The following PDE4D variants were observed in gnomAD, a reference collection of about 807,000 sequenced individuals.
PDE4D encodes the protein phosphodiesterase 4D, also known as 3',5'-cyclic-AMP phosphodiesterase 4D.
In PDE4D, 24 loss-of-function variants were observed where a neutral mutation model predicts 87.4. The ratio of observed to expected loss-of-function variants is 0.27; its 90% CI spans 0.20 to 0.39. PDE4D has a LOEUF of 0.39. Among genes scored for constraint, PDE4D ranks in the 10% least tolerant of loss-of-function variants. The pLI, the probability that PDE4D is intolerant of heterozygous loss-of-function variation, is 1.00. For missense variants in PDE4D, 714 were observed against 1,041.0 expected (o/e 0.69, Z 4.32); for synonymous variants, 384 against 383.2 (o/e 1.00, Z -0.02).
At chr5:60,108,156 CA>C (rs1777237459) in intron 2 of PDE4D, among the ~76,000 whole-genome samples, 1 of 151,730 alleles carries the variant, frequency 6.6e-6, no homozygotes, top group Non-Finnish European at 1.5e-5. Context: ...GCAACTTCAG[CA>C]AAGTCTCAGG....
At chr5:59,563,395 C>A (rs1297160843) in intron 1 of PDE4D, among the ~76,000 whole-genome samples, 2 of 152,208 alleles carry the variant, frequency 1.3e-5, no homozygotes, top group African/African-American at 2.4e-5. Context: ...AATAAGAATG[C>A]AATTATCTGC....
At chr5:59,683,788 T>C (rs905212194) in intron 1 of PDE4D, among the ~76,000 whole-genome samples, 2 of 152,204 alleles carry the variant, frequency 1.3e-5, no homozygotes, top group African/African-American at 4.8e-5. Flanking sequence ...TTTAAATATA[T>C]AGTATCACCA....
chr5:59,091,957 G>C (rs1196981872), intron 5 of PDE4D, among the ~76,000 whole-genome samples: 1 of 151,852 alleles, frequency 6.6e-6, no homozygotes, highest in African/African-American at 2.4e-5. Context: ...GCATTTATTG[G>C]GAAAAAACAC....
At chr5:59,718,731 T>C (rs1006968798) in intron 1 of PDE4D, among the ~76,000 whole-genome samples, 3 of 152,162 alleles carry the variant, frequency 2.0e-5, no homozygotes, top group African/African-American at 7.2e-5. Flanking sequence ...TTCACAGTGA[T>C]GAAGAATGAT....
intron 11 of PDE4D, among the ~76,000 whole-genome samples, chr5:58,981,902 T>G (rs1441326260): frequency 6.6e-6 from 1 of 152,164 alleles, no homozygotes; most frequent in Non-Finnish European, 1.5e-5. Flanking sequence ...TTACCTTCAT[T>G]GTGGAGTAGT....
intron 1 of PDE4D, among the ~76,000 whole-genome samples, chr5:59,399,075 T>A (rs1301376636): frequency 2.3e-5 from 3 of 128,874 alleles, no homozygotes; most frequent in Non-Finnish European, 5.1e-5. Flanking sequence ...CTCAATGAAA[T>A]AAAAGAGGAT....
chr5:60,478,491 AAG>A (rs77536203), intron 1 of PDE4D, among the ~76,000 whole-genome samples: 6,269 of 152,276 alleles, frequency 0.041, 152 homozygotes, highest in Middle Eastern at 0.099. Context: ...TTTTCATTAA[AAG>A]AAACTATTCC....
chr5:59,218,863 T>C (rs1053234209), intron 1 of PDE4D, among the ~76,000 whole-genome samples: 3 of 152,084 alleles, frequency 2.0e-5, no homozygotes, highest in Non-Finnish European at 4.4e-5. Flanking sequence ...TATTGGACTT[T>C]TTCTTAAATG....
chr5:60,292,649 G>A (rs1294809671), intron 1 of PDE4D, among the ~76,000 whole-genome samples: 1 of 152,094 alleles, frequency 6.6e-6, no homozygotes, highest in African/African-American at 2.4e-5. Context: ...CAATTCTAGA[G>A]TTTGCAGATT....
At chr5:59,989,433 GC>G (rs1379666420) in intron 2 of PDE4D, among the ~76,000 whole-genome samples, 5 of 151,960 alleles carry the variant, frequency 3.3e-5, no homozygotes, top group African/African-American at 1.2e-4. Flanking sequence ...TTACATGCAT[GC>G]CCATGAAGAG....
At chr5:59,148,986 G>A (rs1184024000) in intron 5 of PDE4D, among the ~76,000 whole-genome samples, 1 of 152,094 alleles carries the variant, frequency 6.6e-6, no homozygotes, top group African/African-American at 2.4e-5. Context: ...CTGGGTGTCA[G>A]GATAGGAATA....
intron 1 of PDE4D, among the ~76,000 whole-genome samples, chr5:60,247,808 A>G (rs752217353): frequency 1.3e-5 from 2 of 152,026 alleles, no homozygotes; most frequent in Non-Finnish European, 2.9e-5. Context: ...CTTACTGTCA[A>G]CAAGTTATAT....
At chr5:59,901,537 G>A (rs912636844) in intron 3 of PDE4D, among the ~76,000 whole-genome samples, 9 of 152,108 alleles carry the variant, frequency 5.9e-5, no homozygotes, top group Non-Finnish European at 1.2e-4. Flanking sequence ...AGCAACCCAT[G>A]TAACTCTCAA....
chr5:60,239,384 T>C (rs1325745559), intron 1 of PDE4D, among the ~76,000 whole-genome samples: 1 of 152,114 alleles, frequency 6.6e-6, no homozygotes, highest in Non-Finnish European at 1.5e-5. Flanking sequence ...CCCGACTTCT[T>C]CAAAATTGTG....
intron 1 of PDE4D, among the ~76,000 whole-genome samples, chr5:59,338,701 G>A (rs1238899742): frequency 3.3e-5 from 5 of 152,174 alleles, no homozygotes; most frequent in Non-Finnish European, 7.3e-5. Context: ...CAGAACTCAA[G>A]AGCAAGTATG....
intron 2 of PDE4D, among the ~76,000 whole-genome samples, chr5:60,116,341 A>G (rs1386255144): frequency 1.3e-5 from 2 of 152,086 alleles, no homozygotes; most frequent in African/African-American, 4.8e-5. Flanking sequence ...AGCATATAAA[A>G]ATTACATAGA....
intron 1 of PDE4D, among the ~76,000 whole-genome samples, chr5:59,777,903 A>G (rs1483887659): frequency 6.6e-6 from 1 of 152,190 alleles, no homozygotes; most frequent in East Asian, 1.9e-4. Context: ...CACTTTTTAG[A>G]TGAGACAAAA....
Position 58,977,181 on chromosome 5 carries a change from A to T in PDE4D, c.1707+10T>A. On this transcript the variant is annotated intron_variant, in intron 12 of 14. Coordinates refer to ENST00000340635, the MANE Select transcript of PDE4D (RefSeq NM_001104631.2). ...ACAGTTCTCTTCTTTGGCTTTTATCAGCTACTTACGATGTCAATGACCATT... is the reference window on the plus strand; with the variant it reads ...ACAGTTCTCTTCTTTGGCTTTTATCTGCTACTTACGATGTCAATGACCATT... 1 of 1,599,344 alleles carries T rather than the reference A, an allele frequency of 6.3e-7. No homozygotes were observed. Among genetic ancestry groups the T allele is most frequent in the Non-Finnish European group, 8.5e-7 (1 of 1,175,624 alleles).
chr5:59,167,188 A>G (rs1027712262), intron 5 of PDE4D, among the ~76,000 whole-genome samples: 1 of 152,200 alleles, frequency 6.6e-6, no homozygotes, highest in Admixed American at 6.5e-5. Context: ...GGTCACACGT[A>G]AAGTGGGTGA....
Sources: allele counts gnomAD v4.1 joint callset (sites outside exome capture counted in the v4.1 genomes callset), GRCh38; gene constraint gnomAD v4.1.1; transcripts MANE v1.5; gene names NCBI Gene and HGNC (gene_info 2026-07-23, HGNC 2026-07-21).